Variants in PDZRN4 observed in about 807,000 individuals in gnomAD.
The protein encoded by PDZRN4 is PDZ domain containing ring finger 4, also known as PDZ domain-containing RING finger protein 4.
PDZRN4 carries 70 observed loss-of-function variants against 99.0 expected under a neutral mutation model. That is an observed-to-expected ratio of 0.71 (90% CI 0.58 to 0.86). PDZRN4 has a LOEUF of 0.86. Ranked by LOEUF, PDZRN4 falls within the 40% of genes least tolerant of loss-of-function variation. The pLI, the probability that PDZRN4 is intolerant of heterozygous loss-of-function variation, is 0.00. For synonymous variants in PDZRN4, 551 were observed against 501.6 expected (o/e 1.10, Z -1.32); for missense variants, 1,474 against 1,331.2 (o/e 1.11, Z -1.67).
chr12:41,391,063 G>A (rs1391384239), intron 3 of PDZRN4, among the ~76,000 whole-genome samples: 1 of 152,078 alleles, frequency 6.6e-6, no homozygotes, highest in African/African-American at 2.4e-5. Context: ...CCCTCAGAAA[G>A]TCCCAAGACT....
At chr12:41,489,306 G>A (rs1385052949) in intron 3 of PDZRN4, among the ~76,000 whole-genome samples, 1 of 152,080 alleles carries the variant, frequency 6.6e-6, no homozygotes, top group Non-Finnish European at 1.5e-5. Flanking sequence ...GGCCAGGGAT[G>A]TTGCTAAACA....
intron 3 of PDZRN4, among the ~76,000 whole-genome samples, chr12:41,287,516 T>C (rs750880184): frequency 1.9e-4 from 29 of 152,204 alleles, no homozygotes; most frequent in Non-Finnish European, 3.1e-4. Context: ...AAATATCATT[T>C]CTCTATGCAG....
intron 3 of PDZRN4, 88 bp downstream of exon 3, chr12:41,194,276 G>A (rs559772139): frequency 1.4e-6 from 1 of 701,942 alleles, no homozygotes; most frequent in African/African-American, 1.8e-5. Flanking sequence ...ACCTTGGTGT[G>A]GTGCTTATTA....
At chr12:41,195,220 A>G (rs533450280) in intron 3 of PDZRN4, among the ~76,000 whole-genome samples, 2 of 152,292 alleles carry the variant, frequency 1.3e-5, no homozygotes, top group South Asian at 4.1e-4. Flanking sequence ...GTTGCCAAAA[A>G]TGGTTAAGTT....
intron 3 of PDZRN4, among the ~76,000 whole-genome samples, chr12:41,260,618 T>C (rs1387752427): frequency 6.6e-6 from 1 of 152,118 alleles, no homozygotes; most frequent in Non-Finnish European, 1.5e-5. Flanking sequence ...ATTTGCTACA[T>C]TTTCAGCAAA....
At chr12:41,433,261 G>C (rs12305318) in intron 3 of PDZRN4, among the ~76,000 whole-genome samples, 1 of 151,794 alleles carries the variant, frequency 6.6e-6, no homozygotes, top group Admixed American at 6.6e-5. Context: ...AGACATGTTC[G>C]TGTAGCTCTA....
intron 5 of PDZRN4, among the ~76,000 whole-genome samples, chr12:41,547,152 C>G (rs113133706): frequency 0.045 from 6,691 of 150,130 alleles, 205 homozygotes; most frequent in Middle Eastern, 0.097. Context: ...ATACAACAAG[C>G]AAAATAGAGA....
chr12:41,513,034 A>G (rs1315282084), intron 5 of PDZRN4, among the ~76,000 whole-genome samples: 1 of 152,094 alleles, frequency 6.6e-6, no homozygotes, highest in African/African-American at 2.4e-5. Context: ...TTAAAGACCT[A>G]CTTACTATTA....
At chr12:41,495,554 A>C (rs1592084337) in intron 3 of PDZRN4, among the ~76,000 whole-genome samples, 2 of 152,092 alleles carry the variant, frequency 1.3e-5, no homozygotes, top group Admixed American at 1.3e-4. Context: ...GTCTTGACTC[A>C]AGTACCCATC....
At chr12:41,223,312 G>C (rs78941226) in intron 3 of PDZRN4, among the ~76,000 whole-genome samples, 4 of 152,044 alleles carry the variant, frequency 2.6e-5, no homozygotes, top group Non-Finnish European at 5.9e-5. Flanking sequence ...GATTAGTCTT[G>C]TCAGGTTCTC....
chr12:41,249,514 T>A (rs1201926802), intron 3 of PDZRN4, among the ~76,000 whole-genome samples: 1 of 152,122 alleles, frequency 6.6e-6, no homozygotes, highest in East Asian at 1.9e-4. Context: ...TGTGAGGATT[T>A]GGGGAAGAAG....
intron 3 of PDZRN4, among the ~76,000 whole-genome samples, chr12:41,360,939 AGTGTGTGTGTGTGTGTGT>A (rs10522706): frequency 0.16 from 23,543 of 150,442 alleles, 1,908 homozygotes; most frequent in South Asian, 0.26. Context: ...GAATAAGTAA[AGTGTGTGTGTGTGTGTGT>A]GTGTGTGTGT....
chr12:41,273,544 G>A (rs1323668724), intron 3 of PDZRN4, among the ~76,000 whole-genome samples: 1 of 152,050 alleles, frequency 6.6e-6, no homozygotes, highest in Non-Finnish European at 1.5e-5. Flanking sequence ...AGAGATGGGG[G>A]AAGTGATAAA....
intron 3 of PDZRN4, among the ~76,000 whole-genome samples, chr12:41,385,511 T>G (rs1041976273): frequency 6.6e-6 from 1 of 152,062 alleles, no homozygotes; most frequent in Non-Finnish European, 1.5e-5. Context: ...CCCACAGAAA[T>G]ATAAACAACC....
intron 3 of PDZRN4, among the ~76,000 whole-genome samples, chr12:41,390,804 C>G (rs1313054248): frequency 6.6e-6 from 1 of 152,056 alleles, no homozygotes; most frequent in African/African-American, 2.4e-5. Flanking sequence ...ATAACTAATG[C>G]AAACAACTTG....
intron 7 of PDZRN4, among the ~76,000 whole-genome samples, chr12:41,560,305 G>C (rs557847635): frequency 2.0e-5 from 3 of 152,230 alleles, no homozygotes; most frequent in Admixed American, 6.6e-5. Context: ...ATTGGTATAT[G>C]GAAGAGAAAA....
At chr12:41,270,249 G>A (rs190827292) in intron 3 of PDZRN4, among the ~76,000 whole-genome samples, 8 of 149,910 alleles carry the variant, frequency 5.3e-5, no homozygotes, top group Non-Finnish European at 4.4e-5. Context: ...ATAATTTTTG[G>A]ATCGTAACTA....
At chr12:41,256,086 A>G (rs1951202960) in intron 3 of PDZRN4, among the ~76,000 whole-genome samples, 2 of 152,204 alleles carry the variant, frequency 1.3e-5, no homozygotes, top group South Asian at 4.1e-4. Context: ...CTGAAAGACT[A>G]TTAAGAAAAT....
intron 3 of PDZRN4, among the ~76,000 whole-genome samples, chr12:41,388,388 TA>T (rs35649287): frequency 0.41 from 61,092 of 147,648 alleles, 12,528 homozygotes; most frequent in South Asian, 0.52. Flanking sequence ...AATAAAAGAT[TA>T]AAAAAAAAAA....
Sources: allele counts gnomAD v4.1 joint callset (sites outside exome capture counted in the v4.1 genomes callset), GRCh38; gene constraint gnomAD v4.1.1; transcripts MANE v1.5; gene names NCBI Gene and HGNC (gene_info 2026-07-23, HGNC 2026-07-21).